Variants in PLAC1 observed in about 807,000 individuals in gnomAD.
PLAC1 encodes the protein placenta associated 1, also known as placenta-specific protein 1.
For synonymous variants in PLAC1, 68 were observed against 62.1 expected, an observed-to-expected ratio of 1.09 and a Z score of -0.44; for missense variants, 136 against 163.2, an observed-to-expected ratio of 0.83 and a Z score of 0.91.
intron 1 of PLAC1, among the ~76,000 whole-genome samples, chrX:134,642,585 C>A (rs776046768): frequency 9.0e-6 from 1 of 110,861 alleles, no homozygotes; most frequent in South Asian, 3.8e-4. Flanking sequence ...AGAGGATGAG[C>A]ATTTAAATCA....
At chrX:134,698,963 C>G (rs2078573819) in intron 2 of PLAC1, among the ~76,000 whole-genome samples, 1 of 111,435 alleles carries the variant, frequency 9.0e-6, no homozygotes, top group African/African-American at 3.3e-5. Context: ...CCGGTTTCTC[C>G]TCTTTTCCTT....
chrX:134,749,837 A>G (rs1409766940), intron 1 of PLAC1, among the ~76,000 whole-genome samples: 1 of 111,382 alleles, frequency 9.0e-6, no homozygotes, highest in Non-Finnish European at 1.9e-5. Flanking sequence ...TTAAATAGCA[A>G]TGGGCTTACA....
chrX:134,733,109 G>A (rs189044496), intron 2 of PLAC1, among the ~76,000 whole-genome samples: 177 of 111,598 alleles, frequency 1.6e-3, no homozygotes, highest in Non-Finnish European at 2.9e-3. Flanking sequence ...CCCTGAGGCA[G>A]GAAATGGGAA....
At chrX:134,601,774 A>T (rs754501366) in intron 2 of PLAC1, 1 of 112,722 alleles carries the variant, frequency 8.9e-6, no homozygotes, top group East Asian at 2.8e-4. Flanking sequence ...TAGCTAATTT[A>T]AAAATTAATT....
intron 1 of PLAC1, among the ~76,000 whole-genome samples, chrX:134,622,259 G>A (rs1383918438): frequency 8.9e-6 from 1 of 112,054 alleles, no homozygotes; most frequent in African/African-American, 3.2e-5. Context: ...ACAGCCTGCT[G>A]CTTTTCCTCA....
At chrX:134,734,054 C>G (rs777815095) in intron 1 of PLAC1, among the ~76,000 whole-genome samples, 7 of 111,558 alleles carry the variant, frequency 6.3e-5, no homozygotes, top group Admixed American at 5.7e-4. Flanking sequence ...CACAGTAAAC[C>G]AGGACAACTG....
intron 1 of PLAC1, among the ~76,000 whole-genome samples, chrX:134,742,075 A>G (rs2078718277): frequency 8.9e-6 from 1 of 112,371 alleles, no homozygotes. Context: ...TTCCACCCTC[A>G]TGCAGTCAGT....
intron 1 of PLAC1, among the ~76,000 whole-genome samples, chrX:134,608,552 A>C (rs941589489): frequency 8.9e-6 from 1 of 112,190 alleles, no homozygotes; most frequent in African/African-American, 3.2e-5. Flanking sequence ...TGAGTACTTA[A>C]AGGGGCATAG....
chrX:134,690,163 T>C (rs1244553615), intron 2 of PLAC1, among the ~76,000 whole-genome samples: 1 of 112,489 alleles, frequency 8.9e-6, no homozygotes, highest in East Asian at 2.8e-4. Context: ...TCAAGGTTCA[T>C]CCATGTTGTA....
At chrX:134,580,193 G>C (rs1416442189) in intron 2 of PLAC1, among the ~76,000 whole-genome samples, 1 of 112,329 alleles carries the variant, frequency 8.9e-6, no homozygotes, top group Non-Finnish European at 1.9e-5. Flanking sequence ...TGAGAACAAA[G>C]ACAGAAACTG....
intron 1 of PLAC1, among the ~76,000 whole-genome samples, chrX:134,621,442 C>G (rs2124408285): frequency 2.6e-5 from 1 of 38,784 alleles, no homozygotes; most frequent in African/African-American, 1.2e-4. Flanking sequence ...CAGGCTCTGT[C>G]TCAAAAAAAA....
At chrX:134,604,150 T>C (rs1422854476) in intron 1 of PLAC1, among the ~76,000 whole-genome samples, 2 of 112,567 alleles carry the variant, frequency 1.8e-5, no homozygotes, top group Non-Finnish European at 3.8e-5. Context: ...AAAAATTCCC[T>C]TGGACAACAC....
chrX:134,577,404 T>C (rs5933428), intron 2 of PLAC1, among the ~76,000 whole-genome samples: 55,507 of 110,636 alleles, frequency 0.5, 11,482 homozygotes, highest in East Asian at 0.67. Flanking sequence ...GTAGATGATC[T>C]TTGGCCGGGT....
Position 134,594,091 on chromosome X carries a change from G to C in PLAC1, c.-59+7960C>G, listed in dbSNP as rs184264189. Among the ~76,000 whole-genome samples, 3 of 111,087 alleles carry C rather than the reference G, an allele frequency of 2.7e-5. No individual in the cohort carries two copies. The South Asian group carries it at 1.1e-3, about 42-fold the overall frequency. ...TTGAGGAAATTCCTCTCTATTCCCT[G>C]TTTGCTGAGAGATTTTATCATGAAT... On this transcript the variant is annotated intron_variant, in intron 2 of 2. Coordinates refer to ENST00000359237, the MANE Select transcript of PLAC1 (RefSeq NM_021796.4).
chrX:134,687,678 T>C (rs187827836), intron 2 of PLAC1, among the ~76,000 whole-genome samples: 55 of 106,423 alleles, frequency 5.2e-4, no homozygotes, highest in African/African-American at 1.8e-3. Flanking sequence ...TGAAGGTTGA[T>C]GTGGTGGAAA....
chrX:134,706,014 T>C (rs1474125663), intron 2 of PLAC1, among the ~76,000 whole-genome samples: 1 of 111,571 alleles, frequency 9.0e-6, no homozygotes. Context: ...GTCCCCTTTT[T>C]GCCTCATATA....
chrX:134,622,195 G>A (rs754002057), intron 1 of PLAC1, among the ~76,000 whole-genome samples: 2 of 111,837 alleles, frequency 1.8e-5, no homozygotes, highest in East Asian at 5.6e-4. Context: ...CCACAATGTT[G>A]TTTAGAAAAA....
At chrX:134,751,053 G>T (rs1448731695) in intron 1 of PLAC1, among the ~76,000 whole-genome samples, 2 of 85,095 alleles carry the variant, frequency 2.4e-5, no homozygotes, top group East Asian at 6.7e-4. Context: ...AACCCAGGAG[G>T]CAGAGGTTAC....
chrX:134,651,938 T>G (rs1393873363), intron 1 of PLAC1, among the ~76,000 whole-genome samples: 1 of 111,195 alleles, frequency 9.0e-6, no homozygotes, highest in Admixed American at 9.6e-5. Context: ...TACTTTCCTT[T>G]TCTCATTTCT....
Sources: gnomAD v4.1 joint callset for allele counts (sites outside exome capture counted in the v4.1 genomes callset) on GRCh38, gnomAD v4.1.1 for gene constraint, MANE v1.5 for transcripts, NCBI Gene and HGNC (gene_info 2026-07-23, HGNC 2026-07-21) for gene names.